PPP4R3B: variants seen among roughly 807,000 people sequenced by gnomAD.
PPP4R3B encodes protein phosphatase 4 regulatory subunit 3B.
A neutral mutation model predicts 95.4 loss-of-function variants in PPP4R3B; 52 were observed. The ratio of observed to expected loss-of-function variants is 0.54; its 90% CI spans 0.44 to 0.69. The LOEUF (loss-of-function observed/expected upper bound fraction) is 0.69. Among genes scored for constraint, PPP4R3B ranks in the 30% least tolerant of loss-of-function variants. The probability of loss-of-function intolerance (pLI) is 0.00; values close to 1 mark genes in which losing one functional copy is unlikely to be tolerated. For synonymous variants in PPP4R3B, 407 were observed against 343.9 expected (o/e 1.18, Z -2.03); for missense variants, 1,003 against 1,005.9 (o/e 1.00, Z 0.04).
At chr2:55,594,281 A>G (rs187132278) in intron 4 of PPP4R3B, among the ~76,000 whole-genome samples, 59 of 146,532 alleles carry the variant, frequency 4.0e-4, no homozygotes, top group East Asian at 3.4e-3. Context: ...AAATAAGCCT[A>G]TGTGCCCTCT....
intron 16 of PPP4R3B, among the ~76,000 whole-genome samples, chr2:55,556,129 T>C (rs1421161521): frequency 6.6e-6 from 1 of 152,230 alleles, no homozygotes; most frequent in Non-Finnish European, 1.5e-5. Context: ...CACTTAGGAA[T>C]GTGGGCATGG....
At chr2:55,563,865 T>C (rs938373628) in intron 15 of PPP4R3B, among the ~76,000 whole-genome samples, 2 of 152,200 alleles carry the variant, frequency 1.3e-5, no homozygotes, top group African/African-American at 4.8e-5. Flanking sequence ...ACTTCTCTTG[T>C]TAGTATATCT....
chr2:55,577,394 G>C lies in PPP4R3B; in HGVS notation c.1565-38C>G, dbSNP rs761245194. On this transcript the variant is annotated intron_variant, in intron 10 of 16. Coordinates refer to ENST00000616407, the MANE Select transcript of PPP4R3B (RefSeq NM_001122964.3). ...TTAAAAATTAAAATAAAATACTTCA[G>C]TAATAATATCCCAGATTTCCCTAGT... The C allele has an allele frequency of 1.7e-5, 23 of 1,393,010 alleles. No individual in the cohort carries two copies. The African/African-American group carries it at 3.3e-4, about 20-fold the overall frequency. The allele number at this position is 1,393,010 out of a possible 1,614,324, so 86.3% of individuals were successfully genotyped here.
chr2:55,586,608 G>A lies in PPP4R3B; in HGVS notation c.1116+10C>T, dbSNP rs753421192. 7.4e-6 allele frequency: 11 copies of A among 1,494,794 alleles called. No homozygotes were observed. Among genetic ancestry groups the A allele is most frequent in the South Asian group, 1.2e-5 (1 of 83,254 alleles). The allele number at this position is 1,494,794 out of a possible 1,614,324, so 92.6% of individuals were successfully genotyped here. A position where few individuals can be genotyped will look rare whatever the true frequency, so the allele number is the denominator to read the frequency against. Reference sequence around the variant, plus strand: ...AATTTCAAAAACATGAAAAGAAACGGCATAATTACCATTACAATTTCAAGA... The same window carrying A: ...AATTTCAAAAACATGAAAAGAAACGACATAATTACCATTACAATTTCAAGA... On this transcript the variant is annotated intron_variant, in intron 6 of 16. Transcript: ENST00000616407.
intron 16 of PPP4R3B, among the ~76,000 whole-genome samples, chr2:55,553,567 C>T (rs991300445): frequency 6.6e-6 from 1 of 152,128 alleles, no homozygotes. Flanking sequence ...CACCATTTCA[C>T]CCACCAAAAA....
Position 55,549,655 on chromosome 2 carries a change from C to A in PPP4R3B, c.*256G>T, listed in dbSNP as rs1051960075. The stretch of plus-strand genomic sequence containing the variant: ...CCTGTGACTTTTCCTTGCTGAGAAG[C>A]TGTCTCCCAGGTTCTGGTTACTAAT... On this transcript the variant is annotated 3_prime_UTR_variant, in exon 17 of 17. Transcript: ENST00000616407. 12 of 413,488 alleles carry A rather than the reference C, an allele frequency of 2.9e-5. No individual in the cohort carries two copies. The highest frequency in any genetic ancestry group is 5.1e-5 in the Non-Finnish European group (12 of 233,478). 25.6% of individuals were successfully genotyped at this position (413,488 alleles called of 1,614,324 possible).
intron 8 of PPP4R3B, among the ~76,000 whole-genome samples, chr2:55,580,938 C>A (rs146707056): frequency 3.3e-5 from 5 of 152,004 alleles, no homozygotes; most frequent in Admixed American, 6.6e-5. Context: ...GATAAAATCA[C>A]GCAACATAAA....
intron 3 of PPP4R3B, among the ~76,000 whole-genome samples, chr2:55,602,031 C>T (rs1379017329): frequency 1.3e-5 from 2 of 152,116 alleles, no homozygotes; most frequent in African/African-American, 4.8e-5. Flanking sequence ...TGACAAAAAG[C>T]TGGATTTTGC....
intron 4 of PPP4R3B, among the ~76,000 whole-genome samples, chr2:55,592,142 A>G (rs2104383621): frequency 6.6e-6 from 1 of 152,342 alleles, no homozygotes; most frequent in African/African-American, 2.4e-5. Flanking sequence ...AACAGAACCC[A>G]TTCATTTTTA....
intron 3 of PPP4R3B, among the ~76,000 whole-genome samples, chr2:55,601,866 G>A (rs1161831612): frequency 3.3e-5 from 5 of 152,176 alleles, no homozygotes; most frequent in Non-Finnish European, 7.3e-5. Flanking sequence ...GGGAGACTGA[G>A]TTAAAGCTTC....
At position 55,617,513 on chromosome 2, in the gene PPP4R3B, C is replaced by T; in HGVS notation, c.-228G>A. ...TTACCTCTCACTTCACCCGCGCATA[C>T]ACCCACTCTCCCGTCTCTTTGCCCC... On this transcript the variant is annotated 5_prime_UTR_variant, in exon 1 of 17. Coordinates refer to ENST00000616407, the MANE Select transcript of PPP4R3B (RefSeq NM_001122964.3). 2.2e-6 allele frequency: 1 copy of T among 444,752 alleles called. No individual in the cohort carries two copies. Among genetic ancestry groups the T allele is most frequent in the Non-Finnish European group, 4.0e-6 (1 of 252,876 alleles). The allele number at this position is 444,752 out of a possible 1,614,324, so 27.6% of individuals were successfully genotyped here.
chr2:55,597,720 G>C (rs1271484037), intron 4 of PPP4R3B, among the ~76,000 whole-genome samples: 1 of 152,190 alleles, frequency 6.6e-6, no homozygotes, highest in Non-Finnish European at 1.5e-5. Context: ...AGAATCACTT[G>C]AACCCAGGAG....
chr2:55,555,467 C>T (rs946358175), intron 16 of PPP4R3B, among the ~76,000 whole-genome samples: 6 of 150,978 alleles, frequency 4.0e-5, no homozygotes, highest in African/African-American at 1.5e-4. Context: ...ATGAAAAAGC[C>T]CTTTGGGAGG....
chr2:55,578,221 A>C, intron 10 of PPP4R3B, 26 bp downstream of exon 10: 1 of 1,385,500 alleles, frequency 7.2e-7, no homozygotes, highest in Non-Finnish European at 9.4e-7. Context: ...TAAATATAGG[A>C]GTGATACACT....
Position 55,598,859 on chromosome 2 carries a change from C to T in PPP4R3B, c.478G>A (p.Glu160Lys). 6.2e-7 allele frequency: 1 copy of T among 1,614,176 alleles called. No individual in the cohort carries two copies. The highest frequency in any genetic ancestry group is 8.5e-7 in the Non-Finnish European group (1 of 1,180,030). ...TSVLSSPIRREKLALALENEG... is the reference protein window; with the variant it reads ...TSVLSSPIRRKKLALALENEG... The stretch of plus-strand genomic sequence containing the variant: ...TTTTCCAAGGCGAGAGCCAGCTTTT[C>T]CCTACGGATAGGTGAGGAGAGCACT... The change falls in exon 4 of 17, where the codon GAA becomes AAA. Residue 160 changes from glutamate to lysine, a missense_variant. Physicochemically the swap from Glu to Lys is moderately conservative, Grantham distance 56 (BLOSUM62 1). Transcript: ENST00000616407.
intron 8 of PPP4R3B, among the ~76,000 whole-genome samples, 196 bp from the exon 9 acceptor site, chr2:55,579,977 T>G (rs1689223972): frequency 6.6e-6 from 1 of 152,112 alleles, no homozygotes; most frequent in Non-Finnish European, 1.5e-5. Context: ...AACCAAAAAC[T>G]AACTATATTC....
rs996017400 is a variant in PPP4R3B at position 55,548,856 on chromosome 2, G to A, written c.*1055C>T. 3.3e-5 allele frequency: 5 copies of A among 152,424 alleles called. No homozygotes were observed. The highest frequency in any genetic ancestry group is 2.6e-4 in the Admixed American group (4 of 15,250). The allele number at this position is 152,424 out of a possible 1,614,324, so 9.4% of individuals were successfully genotyped here. ...CAATTTATTTTTAAAATTCACTTAC[G>A]TATATGGAATGTGCTTTTACTCTTC... On this transcript the variant is annotated 3_prime_UTR_variant, in exon 17 of 17. Transcript: ENST00000616407.
intron 14 of PPP4R3B, 128 bp downstream of exon 14, chr2:55,564,774 C>T (rs1381413291): frequency 1.9e-6 from 2 of 1,078,634 alleles, no homozygotes; most frequent in Non-Finnish European, 2.7e-6. Context: ...CCTTACCCTC[C>T]TATTCAACTC....
intron 7 of PPP4R3B, among the ~76,000 whole-genome samples, chr2:55,583,870 A>G (rs1409633942): frequency 6.6e-6 from 1 of 152,238 alleles, no homozygotes; most frequent in Non-Finnish European, 1.5e-5. Context: ...TTCAGTGGTA[A>G]CTGATGCAAG....
Sources: allele counts gnomAD v4.1 joint callset (sites outside exome capture counted in the v4.1 genomes callset), GRCh38; gene constraint gnomAD v4.1.1; transcripts MANE v1.5; gene names NCBI Gene and HGNC (gene_info 2026-07-23, HGNC 2026-07-21).